GRAMD2B: variants seen among roughly 807,000 people sequenced by gnomAD.
The protein encoded by GRAMD2B is GRAM domain-containing protein 2B.
GRAMD2B carries 41 observed loss-of-function variants against 59.2 expected under a neutral mutation model. That is an observed-to-expected ratio of 0.69 (90% CI 0.54 to 0.90). The LOEUF is 0.90. Among genes scored for constraint, GRAMD2B ranks in the 40% least tolerant of loss-of-function variants. The probability of loss-of-function intolerance (pLI) is 0.00; values close to 1 mark genes in which losing one functional copy is unlikely to be tolerated. For synonymous variants in GRAMD2B, 161 were observed against 182.7 expected, an observed-to-expected ratio of 0.88 and a Z score of 0.96; for missense variants, 424 against 500.5, an observed-to-expected ratio of 0.85 and a Z score of 1.46.
At chr5:126,442,728 G>A (rs1364713048) in intron 1 of GRAMD2B, among the ~76,000 whole-genome samples, 1 of 152,050 alleles carries the variant, frequency 6.6e-6, no homozygotes, top group Non-Finnish European at 1.5e-5. Context: ...CGTACAACTG[G>A]TGTCTCTAAA....
chr5:126,403,613 A>T (rs934913117), intron 1 of GRAMD2B, among the ~76,000 whole-genome samples: 1 of 151,942 alleles, frequency 6.6e-6, no homozygotes. Flanking sequence ...GGGGGAAAAA[A>T]TTTTAACAGT....
At chr5:126,375,733 A>G (rs1463250649) in intron 1 of GRAMD2B, among the ~76,000 whole-genome samples, 1 of 152,196 alleles carries the variant, frequency 6.6e-6, no homozygotes, top group East Asian at 1.9e-4. Flanking sequence ...TGTTGAGTAG[A>G]TGCAATAATT....
chr5:126,469,713 T>G lies in GRAMD2B; in HGVS notation c.240T>G (p.Ser80Arg), dbSNP rs959254055. The change falls in exon 3 of 14, where the codon AGT becomes AGG. Residue 80 changes from serine to arginine, a missense_variant. Physicochemically the swap from Ser to Arg is moderately radical, Grantham distance 110. Coordinates refer to ENST00000285689, the MANE Select transcript of GRAMD2B (RefSeq NM_023927.4). ...GTTTTGATGGTGCCTCTTTAGCAAG[T>G]GATAAGAACGACTGTAAAACAGAAA... is the stretch of plus-strand genomic sequence containing the variant. ...KSSFDGASLASDKNDCKTESK... is the reference protein window; with the variant it reads ...KSSFDGASLARDKNDCKTESK... The G allele has an allele frequency of 3.1e-6, 5 of 1,613,786 alleles. No homozygotes were observed. The African/African-American group carries it at 6.7e-5, about 22-fold the overall frequency.
intron 1 of GRAMD2B, among the ~76,000 whole-genome samples, chr5:126,462,713 G>A (rs1561560035): frequency 6.6e-6 from 1 of 152,072 alleles, no homozygotes; most frequent in Non-Finnish European, 1.5e-5. Flanking sequence ...TGGGAGAAAA[G>A]GTACCAGTAC....
At chr5:126,399,994 T>G (rs950401483) in intron 1 of GRAMD2B, among the ~76,000 whole-genome samples, 5 of 152,118 alleles carry the variant, frequency 3.3e-5, no homozygotes, top group African/African-American at 1.2e-4. Context: ...AATACAGGAC[T>G]CATTATTGCC....
chr5:126,491,144 C>G (rs747878404), intron 13 of GRAMD2B, among the ~76,000 whole-genome samples: 133 of 152,184 alleles, frequency 8.7e-4, no homozygotes, highest in South Asian at 1.9e-3. Context: ...TTAATTCTCT[C>G]CTTTGTTTTA....
intron 1 of GRAMD2B, chr5:126,459,173 C>T (rs1056451530): frequency 6.6e-6 from 1 of 152,214 alleles, no homozygotes; most frequent in Admixed American, 6.5e-5. Flanking sequence ...TTAGAGAATA[C>T]TATATTTTTG....
chr5:126,368,217 C>A (rs1313674863), upstream of GRAMD2B, among the ~76,000 whole-genome samples: 1 of 151,992 alleles, frequency 6.6e-6, no homozygotes, highest in Non-Finnish European at 1.5e-5. Flanking sequence ...AGTTGTTTAT[C>A]TTTGACCACC....
intron 1 of GRAMD2B, among the ~76,000 whole-genome samples, chr5:126,428,581 T>C (rs1419479768): frequency 6.6e-6 from 1 of 152,178 alleles, no homozygotes; most frequent in Non-Finnish European, 1.5e-5. Flanking sequence ...TCTAGGAAAC[T>C]AGTATTTGAA....
At chr5:126,484,547 G>A in intron 10 of GRAMD2B, 23 bp downstream of exon 10, 1 of 1,595,920 alleles carries the variant, frequency 6.3e-7, no homozygotes, top group Non-Finnish European at 8.5e-7. Context: ...TGTCTCAGGG[G>A]GGTGGGTTTA....
chr5:126,360,479 C>T (rs771367056), intron 1 of GRAMD2B: 5 of 1,546,840 alleles, frequency 3.2e-6, no homozygotes, highest in South Asian at 1.2e-5. Flanking sequence ...AGGTCTCAGA[C>T]CTGGAAAAAC....
chr5:126,455,943 G>A (rs2126714497), intron 1 of GRAMD2B, among the ~76,000 whole-genome samples: 1 of 152,146 alleles, frequency 6.6e-6, no homozygotes, highest in East Asian at 1.9e-4. Context: ...CTGTGTTTAT[G>A]TACTGAACTT....
intron 1 of GRAMD2B, among the ~76,000 whole-genome samples, chr5:126,449,346 A>G (rs963832741): frequency 1.3e-5 from 2 of 152,244 alleles, no homozygotes; most frequent in Admixed American, 6.5e-5. Context: ...AATTAAAATC[A>G]TGTATATTTT....
rs191167464 is a variant in GRAMD2B at position 126,491,959 on chromosome 5, T to A, written c.1258-956T>A. Among the ~76,000 whole-genome samples, 10 of 152,314 alleles carry A rather than the reference T, an allele frequency of 6.6e-5. No individual in the cohort carries two copies. The East Asian group carries it at 1.9e-3, about 29-fold the overall frequency. ...CATGTTGGCCAGGCTGGTCTGGAACTCCTGACCTCGTGATCTGCCCACTTC... is the reference window on the plus strand; with the variant it reads ...CATGTTGGCCAGGCTGGTCTGGAACACCTGACCTCGTGATCTGCCCACTTC... On this transcript the variant is annotated intron_variant, in intron 13 of 13. Coordinates refer to ENST00000285689, the MANE Select transcript of GRAMD2B (RefSeq NM_023927.4).
At chr5:126,412,681 T>C (rs1176199348) in intron 1 of GRAMD2B, among the ~76,000 whole-genome samples, 4 of 152,058 alleles carry the variant, frequency 2.6e-5, no homozygotes, top group Non-Finnish European at 5.9e-5. Flanking sequence ...TTCAGTAGGA[T>C]TGGTACCAGC....
Position 126,494,070 on chromosome 5 carries a change from T to C in GRAMD2B, c.*1114T>C, listed in dbSNP as rs1312070130. 1 of 152,678 alleles carries C rather than the reference T, an allele frequency of 6.5e-6. No homozygotes were observed. Among genetic ancestry groups the C allele is most frequent in the Non-Finnish European group, 1.5e-5 (1 of 68,036 alleles). 9.5% of individuals were successfully genotyped at this position (152,678 alleles called of 1,614,324 possible). A position where few individuals can be genotyped will look rare whatever the true frequency, so the allele number is the denominator to read the frequency against. On this transcript the variant is annotated 3_prime_UTR_variant, in exon 14 of 14. Coordinates refer to ENST00000285689, the MANE Select transcript of GRAMD2B (RefSeq NM_023927.4). ...CAGATAAGCTAATAAGCGAATTGGT[T>C]ACATCGTTTGTATCTGTTGGCCTAG...
intron 1 of GRAMD2B, among the ~76,000 whole-genome samples, chr5:126,399,793 C>T (rs1757670030): frequency 6.6e-6 from 1 of 152,022 alleles, no homozygotes; most frequent in South Asian, 2.1e-4. Context: ...TATTGTCATT[C>T]CTGCTTTCTT....
intron 3 of GRAMD2B, among the ~76,000 whole-genome samples, chr5:126,470,025 C>T (rs1367863320): frequency 6.6e-6 from 1 of 152,140 alleles, no homozygotes; most frequent in African/African-American, 2.4e-5. Context: ...GCTGTGGCCT[C>T]GAACTCTGAC....
At chr5:126,404,992 G>C (rs1223956528) in intron 1 of GRAMD2B, among the ~76,000 whole-genome samples, 2 of 151,854 alleles carry the variant, frequency 1.3e-5, no homozygotes, top group Non-Finnish European at 2.9e-5. Flanking sequence ...AGCTCAGAGA[G>C]GTCAAGTTAC....
Sources: gnomAD v4.1 joint callset for allele counts (sites outside exome capture counted in the v4.1 genomes callset) on GRCh38, gnomAD v4.1.1 for gene constraint, MANE v1.5 for transcripts, NCBI Gene and HGNC (gene_info 2026-07-23, HGNC 2026-07-21) for gene names.